Variants in GCG observed in about 807,000 individuals in gnomAD.
GCG encodes pro-glucagon.
In GCG, 11 loss-of-function variants were observed where a neutral mutation model predicts 22.8. The ratio of observed to expected loss-of-function variants is 0.48; its 90% CI spans 0.30 to 0.80. The LOEUF (loss-of-function observed/expected upper bound fraction) is 0.80, where lower values mean the gene tolerates loss of function less well. Among genes scored for constraint, GCG ranks in the 30% least tolerant of loss-of-function variants. GCG has a pLI of 0.06. For missense variants in GCG, 222 were observed against 222.0 expected (o/e 1.00, Z 0.00); for synonymous variants, 89 against 72.4 (o/e 1.23, Z -1.16).
intron 4 of GCG, chr2:162,145,324 G>T: frequency 2.3e-6 from 1 of 436,796 alleles, no homozygotes; most frequent in Non-Finnish European, 4.0e-6. Flanking sequence ...ACTATAAGGG[G>T]ATACAAATGT....
Position 162,143,102 on chromosome 2 carries a change from TG to T in GCG, c.*261del. On this transcript the variant is annotated 3_prime_UTR_variant, in exon 6 of 6. Transcript: ENST00000418842. Reference sequence around the variant, plus strand: ...ATTTTATCGCTAAATGTAAACAGGTTGGGGTACTTCATCCAAAATAAGAAGA... The same window carrying T: ...ATTTTATCGCTAAATGTAAACAGGTTGGGTACTTCATCCAAAATAAGAAGA... The T allele has an allele frequency of 2.9e-6, 1 of 344,618 alleles. No homozygotes were observed. Among genetic ancestry groups the T allele is most frequent in the Non-Finnish European group, 5.4e-6 (1 of 186,844 alleles). The allele number at this position is 344,618 out of a possible 1,614,324, so 21.3% of individuals were successfully genotyped here.
At chr2:162,143,710 A>G (rs939013797) in intron 5 of GCG, among the ~76,000 whole-genome samples, 1 of 152,210 alleles carries the variant, frequency 6.6e-6, no homozygotes, top group African/African-American at 2.4e-5. Context: ...TGAAATTTCA[A>G]CATAGCAATT....
rs2106194503 is a variant in GCG at position 162,144,332 on chromosome 2, C to T, written c.393-162G>A. On this transcript the variant is annotated intron_variant, in intron 4 of 5. Transcript: ENST00000418842. ...AATACCTGATAAAAACCCATGTGGA[C>T]CAGTGACTACTGGAAAGAGAAAGTA... 3 of 603,880 alleles carry T rather than the reference C, an allele frequency of 5.0e-6. No individual in the cohort carries two copies. In the East Asian group the frequency reaches 8.3e-5, roughly 17 times the overall value. 37.4% of individuals were successfully genotyped at this position (603,880 alleles called of 1,614,324 possible).
intron 1 of GCG, among the ~76,000 whole-genome samples, 179 bp downstream of exon 1, chr2:162,151,979 C>T (rs1686850482): frequency 6.6e-6 from 1 of 152,090 alleles, no homozygotes; most frequent in Admixed American, 6.6e-5. Context: ...TGCGGCTTCG[C>T]TATATTAAAG....
intron 1 of GCG, among the ~76,000 whole-genome samples, chr2:162,151,881 G>A (rs1686847085): frequency 6.6e-6 from 1 of 151,996 alleles, no homozygotes; most frequent in Admixed American, 6.6e-5. Context: ...TCTCATAACA[G>A]TTAAGTATTA....
Position 162,144,083 on chromosome 2 carries a change from A to G in GCG, c.480T>C (p.Asp160=), listed in dbSNP as rs1255623002. Residue 160 remains aspartate, a synonymous_variant, in exon 5 of 6, where the codon GAT becomes GAC. Transcript: ENST00000418842. The stretch of plus-strand genomic sequence containing the variant: ...TTATAAAGTCCCTGGCGGCAAGATT[A>G]TCAAGAATGGTGTTCATCTCATCAG... ...SFSDEMNTIL[D]NLAARDFINW... 1.9e-6 allele frequency: 3 copies of G among 1,613,026 alleles called. No homozygotes were observed. The highest frequency in any genetic ancestry group is 2.5e-6 in the Non-Finnish European group (3 of 1,179,140).
At chr2:162,145,988 T>C (rs534634370) in intron 3 of GCG, among the ~76,000 whole-genome samples, 1 of 152,298 alleles carries the variant, frequency 6.6e-6, no homozygotes, top group African/African-American at 2.4e-5. Flanking sequence ...TCTCAATGGA[T>C]ACAGGCTATC....
Position 162,147,398 on chromosome 2 carries a change from C to T in GCG, c.209G>A (p.Arg70His), listed in dbSNP as rs267598945. ...SDYSKYLDSR[R>H]AQDFVQWLMN... ...CAACCACTGCACAAAATCTTGGGCACGCCTGGAGTCCAGATACTTGCTGTA... is the reference window on the plus strand; with the variant it reads ...CAACCACTGCACAAAATCTTGGGCATGCCTGGAGTCCAGATACTTGCTGTA... The change falls in exon 3 of 6, where the codon CGT becomes CAT. Residue 70 changes from arginine to histidine, a missense_variant. Coordinates refer to ENST00000418842, the MANE Select transcript of GCG (RefSeq NM_002054.5). 70 of 1,613,086 alleles carry T rather than the reference C, an allele frequency of 4.3e-5. No individual in the cohort carries two copies. Among genetic ancestry groups the T allele is most frequent in the South Asian group, 7.7e-5 (7 of 91,058 alleles).
At chr2:162,148,648 G>A (rs5647) in intron 2 of GCG, among the ~76,000 whole-genome samples, 11,632 of 152,078 alleles carry the variant, frequency 0.076, 1,044 homozygotes, top group Admixed American at 0.25. Context: ...TTGGACAGAG[G>A]AATTTTGAGT....
chr2:162,150,060 T>C (rs1280587036), intron 1 of GCG, among the ~76,000 whole-genome samples: 2 of 152,110 alleles, frequency 1.3e-5, no homozygotes, highest in Non-Finnish European at 2.9e-5. Flanking sequence ...CACAAGCAGA[T>C]GCCCTGCGAA....
At chr2:162,149,927 G>A (rs912620817) in intron 1 of GCG, among the ~76,000 whole-genome samples, 1 of 152,100 alleles carries the variant, frequency 6.6e-6, no homozygotes, top group Admixed American at 6.6e-5. Context: ...ATTAGAGCTT[G>A]CTTCTAAAGT....
chr2:162,147,415 C>G lies in GCG; in HGVS notation c.192G>C (p.Lys64Asn), dbSNP rs375447933. 2 of 1,613,134 alleles carry G rather than the reference C, an allele frequency of 1.2e-6. No homozygotes were observed. Among genetic ancestry groups the G allele is most frequent in the African/African-American group, 2.7e-5 (2 of 74,852 alleles). Residue 64 changes from lysine to asparagine, a missense_variant, in exon 3 of 6, where the codon AAG (lysine) becomes AAC (asparagine). Transcript: ENST00000418842. ...CTTGGGCACGCCTGGAGTCCAGATA[C>G]TTGCTGTAGTCACTGGTGAATGTGC... ...SQGTFTSDYSKYLDSRRAQDF... is the reference protein window; with the variant it reads ...SQGTFTSDYSNYLDSRRAQDF...
chr2:162,147,748 CT>C (rs1467283336), intron 2 of GCG: 3 of 547,218 alleles, frequency 5.5e-6, no homozygotes, highest in Admixed American at 3.1e-5. Context: ...CAACTGACTT[CT>C]TTTTTTCTGA....
At chr2:162,145,739 T>C (rs1179765841) in intron 3 of GCG, 62 bp from the exon 4 acceptor site, 9 of 1,446,812 alleles carry the variant, frequency 6.2e-6, no homozygotes, top group Middle Eastern at 1.8e-4. Context: ...TTCTCACCTA[T>C]AAGCAGTGGC....
At position 162,148,434 on chromosome 2, in the gene GCG, A is replaced by G. The variant is rs575721743; in HGVS notation, c.92+653T>C. On this transcript the variant is annotated intron_variant, in intron 2 of 5. Coordinates refer to ENST00000418842, the MANE Select transcript of GCG (RefSeq NM_002054.5). ...ATAAGTAGCTAAACAAATATTGTAC[A>G]TTTATGAGATGAAACAGTATGCTGC... 2.0e-5 allele frequency among the ~76,000 whole-genome samples: 3 copies of G among 152,226 alleles called. No homozygotes were observed. In the South Asian group the frequency reaches 6.2e-4, roughly 32 times the overall value.
chr2:162,147,276 C>CTTAATAATGTCAAGAGAAATT, intron 3 of GCG, 77 bp downstream of exon 3: 1 of 1,090,860 alleles, frequency 9.2e-7, no homozygotes, highest in South Asian at 1.4e-5. Context: ...AGCATAAGAA[C>CTTAATAATGTCAAGAGAAATT]TTAATAATGT....
intron 1 of GCG, among the ~76,000 whole-genome samples, chr2:162,151,530 T>C (rs2106199035): frequency 2.0e-5 from 3 of 152,276 alleles, no homozygotes; most frequent in Admixed American, 2.0e-4. Context: ...GTTATTAATG[T>C]ATGGCTTCAC....
Position 162,147,413 on chromosome 2 carries a change from T to C in GCG, c.194A>G (p.Tyr65Cys). The change falls in exon 3 of 6, where the codon TAT becomes TGT. Residue 65 changes from tyrosine to cysteine, a missense_variant. Tyr to Cys is a radical substitution (Grantham distance 194). Transcript: ENST00000418842. ...QGTFTSDYSK[Y>C]LDSRRAQDFV... ...ATCTTGGGCACGCCTGGAGTCCAGA[T>C]ACTTGCTGTAGTCACTGGTGAATGT... is the stretch of plus-strand genomic sequence containing the variant. 11 of 1,612,914 alleles carry C rather than the reference T, an allele frequency of 6.8e-6. No homozygotes were observed. The highest frequency in any genetic ancestry group is 9.3e-6 in the Non-Finnish European group (11 of 1,179,046).
intron 1 of GCG, among the ~76,000 whole-genome samples, 162 bp from the exon 2 acceptor site, chr2:162,149,349 T>C (rs1686776776): frequency 6.6e-6 from 1 of 152,176 alleles, no homozygotes; most frequent in South Asian, 2.1e-4. Context: ...TAATTTTAAA[T>C]AGTGGGTTAT....
Sources: allele counts gnomAD v4.1 joint callset (sites outside exome capture counted in the v4.1 genomes callset), GRCh38; gene constraint gnomAD v4.1.1; transcripts MANE v1.5; gene names NCBI Gene and HGNC (gene_info 2026-07-23, HGNC 2026-07-21).